The following ADGRL3 variants were observed in gnomAD, a reference collection of about 807,000 sequenced individuals.
The protein encoded by ADGRL3 is calcium-independent alpha-latrotoxin receptor 3.
In ADGRL3, 62 loss-of-function variants were observed where a neutral mutation model predicts 153.5. That is an observed-to-expected ratio of 0.40 (90% confidence interval 0.33 to 0.50). The LOEUF (loss-of-function observed/expected upper bound fraction) is 0.50. ADGRL3 is among the 20% of genes least tolerant of loss of function. The pLI is 0.47. For missense variants in ADGRL3, 1,641 were observed against 1,859.4 expected, an observed-to-expected ratio of 0.88 and a Z score of 2.16; for synonymous variants, 710 against 672.5, an observed-to-expected ratio of 1.06 and a Z score of -0.86.
At chr4:61,839,511 T>C (rs369243204) in intron 9 of ADGRL3, among the ~76,000 whole-genome samples, 1 of 151,338 alleles carries the variant, frequency 6.6e-6, no homozygotes, top group African/African-American at 2.4e-5. Context: ...ATTCTTAAAC[T>C]AAGAGGAAAA....
intron 3 of ADGRL3, among the ~76,000 whole-genome samples, chr4:61,505,678 G>A (rs2098423466): frequency 6.6e-6 from 1 of 151,740 alleles, no homozygotes; most frequent in South Asian, 2.1e-4. Flanking sequence ...TTTTACTTCT[G>A]TAGATTGTTT....
chr4:62,066,100 T>A (rs192759854), intron 25 of ADGRL3, among the ~76,000 whole-genome samples: 4 of 152,280 alleles, frequency 2.6e-5, no homozygotes, highest in Non-Finnish European at 5.9e-5. Context: ...TTTTTTAAGA[T>A]GTTAAGAAAC....
chr4:61,479,199 T>C (rs2098103171), intron 2 of ADGRL3, among the ~76,000 whole-genome samples: 1 of 152,070 alleles, frequency 6.6e-6, no homozygotes, highest in Admixed American at 6.6e-5. Context: ...ACACCAAGCT[T>C]CCAACCAGAA....
chr4:61,842,260 G>C (rs2098043852), intron 9 of ADGRL3, among the ~76,000 whole-genome samples: 1 of 151,856 alleles, frequency 6.6e-6, no homozygotes, highest in Non-Finnish European at 1.5e-5. Flanking sequence ...TTATACTTTG[G>C]GTGGGAGAAT....
chr4:61,287,637 A>G (rs1233804006), intron 1 of ADGRL3, among the ~76,000 whole-genome samples: 1 of 151,972 alleles, frequency 6.6e-6, no homozygotes, highest in East Asian at 1.9e-4. Context: ...TTCTGATAGA[A>G]AGGAGAAAAG....
intron 2 of ADGRL3, among the ~76,000 whole-genome samples, chr4:61,415,604 T>G (rs2097135938): frequency 6.6e-6 from 1 of 152,094 alleles, no homozygotes; most frequent in Non-Finnish European, 1.5e-5. Flanking sequence ...AGTTAATTTA[T>G]GTTAACTGTC....
intron 9 of ADGRL3, among the ~76,000 whole-genome samples, chr4:61,852,958 G>A (rs1193892777): frequency 6.6e-6 from 1 of 152,018 alleles, no homozygotes; most frequent in Admixed American, 6.6e-5. Context: ...GTGCTATAGA[G>A]GTGTTCTTTT....
chr4:61,320,977 T>G (rs921634471), intron 1 of ADGRL3, among the ~76,000 whole-genome samples: 6 of 152,142 alleles, frequency 3.9e-5, no homozygotes, highest in African/African-American at 1.4e-4. Context: ...CATGGCTTCC[T>G]TCCTTTATTT....
intron 6 of ADGRL3, among the ~76,000 whole-genome samples, chr4:61,704,152 T>G (rs934826190): frequency 6.6e-6 from 1 of 152,310 alleles, no homozygotes; most frequent in Admixed American, 6.5e-5. Flanking sequence ...ATAGGCAGAC[T>G]TTGTTATTTG....
chr4:61,678,421 G>A lies in ADGRL3; in HGVS notation c.583+1486G>A, dbSNP rs114117818. Among the ~76,000 whole-genome samples the A allele has an allele frequency of 6.2e-3, 941 of 151,756 alleles. 8 individuals are homozygous for A. The highest frequency in any genetic ancestry group is 0.022 in the African/African-American group (905 of 41,460). On this transcript the variant is annotated intron_variant, in intron 6 of 26. Coordinates refer to ENST00000683033, the MANE Select transcript of ADGRL3 (RefSeq NM_001387552.1). ...TATTTTTTTAATTAAAGAATTTCAC[G>A]GCTGTCTCTTCAATTTCCTGTATTA...
At chr4:61,432,574 CTTTCTTTCTTTCT>C (rs1560622554) in intron 2 of ADGRL3, among the ~76,000 whole-genome samples, 2 of 1,666 alleles carry the variant, frequency 1.2e-3, no homozygotes, top group Admixed American at 0.018. Flanking sequence ...CTTTCTCTTC[CTTTCTTTCTTTCT>C]TTCTTTCTTT....
At chr4:61,459,465 A>G (rs1406396372) in intron 2 of ADGRL3, among the ~76,000 whole-genome samples, 1 of 151,896 alleles carries the variant, frequency 6.6e-6, no homozygotes, top group East Asian at 1.9e-4. Flanking sequence ...CCAGTAATGG[A>G]CTCTAAGGTT....
intron 15 of ADGRL3, among the ~76,000 whole-genome samples, chr4:61,946,617 T>C (rs953587155): frequency 2.0e-5 from 3 of 152,202 alleles, no homozygotes; most frequent in African/African-American, 7.2e-5. Context: ...TTATTCTATA[T>C]TTTGTTCTAG....
intron 5 of ADGRL3, among the ~76,000 whole-genome samples, chr4:61,649,298 GTATTA>G (rs2094160265): frequency 2.0e-5 from 3 of 152,082 alleles, no homozygotes; most frequent in East Asian, 1.9e-4. Flanking sequence ...CTAGGATTTG[GTATTA>G]TATTAATAAG....
intron 1 of ADGRL3, among the ~76,000 whole-genome samples, chr4:61,355,546 C>A (rs573375108): frequency 6.6e-6 from 1 of 152,036 alleles, no homozygotes; most frequent in African/African-American, 2.4e-5. Context: ...CTGCACTTTA[C>A]CTATCTTTCT....
intron 1 of ADGRL3, among the ~76,000 whole-genome samples, chr4:61,331,561 T>C (rs1211494868): frequency 6.6e-6 from 1 of 152,192 alleles, no homozygotes; most frequent in East Asian, 1.9e-4. Context: ...CCTTAATACT[T>C]GTATTATTGA....
intron 2 of ADGRL3, among the ~76,000 whole-genome samples, chr4:61,432,582 C>CTTTTTA: frequency 5.6e-5 from 1 of 17,968 alleles, no homozygotes; most frequent in Non-Finnish European, 9.3e-5. Flanking sequence ...TCCTTTCTTT[C>CTTTTTA]TTTCTTTCTT....
Position 61,777,010 on chromosome 4 carries a change from A to G in ADGRL3, c.1400-36799A>G, listed in dbSNP as rs536678410. On this transcript the variant is annotated intron_variant, in intron 8 of 26. Transcript: ENST00000683033. ...GCAGGTTAAATGATTTGGAATTTAGATCTTTATTCATTTCCTTGCTTTTGT... is the reference window on the plus strand; with the variant it reads ...GCAGGTTAAATGATTTGGAATTTAGGTCTTTATTCATTTCCTTGCTTTTGT... Among the ~76,000 whole-genome samples, 3 of 152,240 alleles carry G rather than the reference A, an allele frequency of 2.0e-5. No homozygotes were observed. The South Asian group carries it at 6.2e-4, about 32-fold the overall frequency.
At chr4:61,559,832 C>T (rs990376975) in intron 4 of ADGRL3, among the ~76,000 whole-genome samples, 2 of 151,550 alleles carry the variant, frequency 1.3e-5, no homozygotes. Flanking sequence ...TTTTAATTCT[C>T]GTGTTATATA....
Sources: allele counts gnomAD v4.1 joint callset (sites outside exome capture counted in the v4.1 genomes callset), GRCh38; gene constraint gnomAD v4.1.1; transcripts MANE v1.5; gene names NCBI Gene and HGNC (gene_info 2026-07-23, HGNC 2026-07-21).